The following MAML3 variants were observed in gnomAD, a reference collection of about 807,000 sequenced individuals.
MAML3 encodes the protein mastermind-like protein 3.
In MAML3, 27 loss-of-function variants were observed where a neutral mutation model predicts 101.9. The ratio of observed to expected loss-of-function variants is 0.27; its 90% CI spans 0.20 to 0.37. MAML3 has a LOEUF of 0.37. MAML3 is among the 10% of genes least tolerant of loss of function. MAML3 has a pLI of 1.00. For missense variants in MAML3, 1,316 were observed against 1,444.9 expected, an observed-to-expected ratio of 0.91 and a Z score of 1.45; for synonymous variants, 501 against 555.9, an observed-to-expected ratio of 0.90 and a Z score of 1.39.
intron 1 of MAML3, among the ~76,000 whole-genome samples, chr4:140,058,762 A>G (rs1727395772): frequency 6.6e-6 from 1 of 152,092 alleles, no homozygotes; most frequent in Non-Finnish European, 1.5e-5. Context: ...AATTTGTTTT[A>G]TAATTTTTTT....
At chr4:139,740,341 C>G (rs907358369) in intron 2 of MAML3, 9 of 152,238 alleles carry the variant, frequency 5.9e-5, no homozygotes, top group African/African-American at 1.9e-4. Context: ...GTCACCAGGG[C>G]TGGGAAACCT....
At chr4:140,079,610 A>C (rs1360487988) in intron 1 of MAML3, among the ~76,000 whole-genome samples, 1 of 152,154 alleles carries the variant, frequency 6.6e-6, no homozygotes, top group Non-Finnish European at 1.5e-5. Flanking sequence ...CTACATATTT[A>C]TATTTTTCCT....
chr4:139,995,029 A>T (rs1291523362), intron 1 of MAML3, among the ~76,000 whole-genome samples: 1 of 152,112 alleles, frequency 6.6e-6, no homozygotes, highest in Non-Finnish European at 1.5e-5. Flanking sequence ...GGGGTTTCTT[A>T]TAGATGTCCT....
At chr4:139,849,322 T>C (rs562824951) in intron 2 of MAML3, among the ~76,000 whole-genome samples, 6 of 152,186 alleles carry the variant, frequency 3.9e-5, no homozygotes, top group Admixed American at 6.5e-5. Flanking sequence ...AGAGACTAAG[T>C]GGTTAAAAGG....
intron 1 of MAML3, among the ~76,000 whole-genome samples, chr4:140,019,233 A>C (rs1255125394): frequency 1.3e-5 from 2 of 152,176 alleles, no homozygotes; most frequent in Non-Finnish European, 2.9e-5. Context: ...AATCCTAATA[A>C]ATCTTTGGGC....
intron 1 of MAML3, among the ~76,000 whole-genome samples, chr4:139,946,567 TAC>T (rs1733730301): frequency 6.6e-6 from 1 of 152,280 alleles, no homozygotes; most frequent in Non-Finnish European, 1.5e-5. Flanking sequence ...AATGAATAAT[TAC>T]AGATTTTTTT....
At chr4:140,144,548 C>CAA (rs758787783) in intron 1 of MAML3, among the ~76,000 whole-genome samples, 24 of 95,952 alleles carry the variant, frequency 2.5e-4, no homozygotes, top group Non-Finnish European at 2.9e-4. Flanking sequence ...AAAGCAAAAC[C>CAA]AAAAAAAAAA....
Position 139,720,247 on chromosome 4 carries a change from C to T in MAML3, c.2493G>A (p.Gln831=). Residue 831 remains glutamine (Q), a synonymous_variant, in exon 5 of 5, where the codon CAG becomes CAA. Transcript: ENST00000509479. The part of the protein sequence containing the change: ...QSMRTSRLMA[Q]NAGMMGIGPS... ...GTCCTATTCCCATCATGCCTGCGTT[C>T]TGTGCCATCAGCCGTGACGTTCGCA... 1 of 1,604,550 alleles carries T rather than the reference C, an allele frequency of 6.2e-7. No homozygotes were observed. Among genetic ancestry groups the T allele is most frequent in the African/African-American group, 1.3e-5 (1 of 74,922 alleles).
rs537659602 is a variant in MAML3 at position 139,975,074 on chromosome 4, A to G, written c.469-84107T>C. 1.6e-4 allele frequency among the ~76,000 whole-genome samples: 24 copies of G among 152,278 alleles called. 1 individual carries two copies. In the South Asian group the frequency reaches 3.1e-3, roughly 20 times the overall value. On this transcript the variant is annotated intron_variant, in intron 1 of 4. Coordinates refer to ENST00000509479, the MANE Select transcript of MAML3 (RefSeq NM_018717.5). The stretch of plus-strand genomic sequence containing the variant: ...ACATGATCCTATTAACCTGCAAGTC[A>G]GATCACACCATTCTCTTCTCAGAGC...
At chr4:139,956,189 A>C (rs1361636787) in intron 1 of MAML3, among the ~76,000 whole-genome samples, 1 of 152,186 alleles carries the variant, frequency 6.6e-6, no homozygotes, top group Non-Finnish European at 1.5e-5. Flanking sequence ...AATTTCTGGC[A>C]TGTCTACCAT....
rs959632785 is a variant in MAML3, at chr4:139,944,091, C to T, written c.469-53124G>A. On this transcript the variant is annotated intron_variant, in intron 1 of 4. Coordinates refer to ENST00000509479, the MANE Select transcript of MAML3 (RefSeq NM_018717.5). ...TTCACCATGTTCGCTGGGATGGTCT[C>T]GATCTGCTGACCTAGTGATCCACCT... 3.9e-5 allele frequency among the ~76,000 whole-genome samples: 6 copies of T among 151,934 alleles called. No individual in the cohort carries two copies. The East Asian group carries it at 7.7e-4, about 20-fold the overall frequency.
intron 1 of MAML3, among the ~76,000 whole-genome samples, chr4:140,134,974 T>C (rs1352111012): frequency 6.6e-6 from 1 of 152,228 alleles, no homozygotes; most frequent in Non-Finnish European, 1.5e-5. Flanking sequence ...TGCTGGATCA[T>C]CCTTTGCACT....
intron 1 of MAML3, among the ~76,000 whole-genome samples, chr4:139,927,279 A>G (rs1459474032): frequency 6.6e-6 from 1 of 152,136 alleles, no homozygotes; most frequent in African/African-American, 2.4e-5. Context: ...TATAAAAATG[A>G]TGTTGTGTCC....
chr4:139,898,615 T>C (rs1427416581), intron 1 of MAML3, among the ~76,000 whole-genome samples: 1 of 152,250 alleles, frequency 6.6e-6, no homozygotes, highest in African/African-American at 2.4e-5. Flanking sequence ...GGCTTGAAGA[T>C]AAGAGAGTCT....
intron 1 of MAML3, among the ~76,000 whole-genome samples, chr4:140,019,780 C>A (rs1328828887): frequency 6.6e-6 from 1 of 152,166 alleles, no homozygotes. Context: ...CTTCAGTGTA[C>A]AATGAGCAGC....
intron 1 of MAML3, among the ~76,000 whole-genome samples, chr4:140,139,809 G>A (rs924173954): frequency 1.3e-5 from 2 of 152,152 alleles, no homozygotes; most frequent in East Asian, 1.9e-4. Context: ...CATGCAAAAT[G>A]CAAGACAGTT....
intron 2 of MAML3, among the ~76,000 whole-genome samples, chr4:139,804,428 G>C (rs1462132212): frequency 6.6e-6 from 1 of 152,014 alleles, no homozygotes; most frequent in Non-Finnish European, 1.5e-5. Flanking sequence ...CACCATGCCT[G>C]GCTAATTTTT....
At chr4:140,070,870 T>C (rs760911581) in intron 1 of MAML3, among the ~76,000 whole-genome samples, 1 of 152,218 alleles carries the variant, frequency 6.6e-6, no homozygotes, top group Non-Finnish European at 1.5e-5. Flanking sequence ...CATTAGGAAG[T>C]AGAAAGGCCC....
chr4:139,729,563 C>T (rs1396125699), intron 3 of MAML3, among the ~76,000 whole-genome samples: 2 of 152,212 alleles, frequency 1.3e-5, no homozygotes, highest in African/African-American at 4.8e-5. Flanking sequence ...GACAACCTCA[C>T]ACCTCCTATA....
Sources: gnomAD v4.1 joint callset for allele counts (sites outside exome capture counted in the v4.1 genomes callset) on GRCh38, gnomAD v4.1.1 for gene constraint, MANE v1.5 for transcripts, NCBI Gene and HGNC (gene_info 2026-07-23, HGNC 2026-07-21) for gene names.